Variants in CNOT2 observed in about 807,000 individuals in gnomAD.
CNOT2 encodes the protein CC chemokine receptor 4-negative regulator of transcription 2.
Under a neutral mutation model 72.1 loss-of-function variants are expected in CNOT2, and 7 were observed. That is an observed-to-expected ratio of 0.10 (90% CI 0.06 to 0.18). CNOT2 has a LOEUF of 0.18. Among genes scored for constraint, CNOT2 ranks in the 10% least tolerant of loss-of-function variants. The pLI is 1.00. For missense variants in CNOT2, 345 were observed against 660.3 expected, an observed-to-expected ratio of 0.52 and a Z score of 5.23; for synonymous variants, 196 against 225.6, an observed-to-expected ratio of 0.87 and a Z score of 1.17.
chr12:70,345,993 A>G (rs1882116632), intron 14 of CNOT2, 187 bp from the exon 15 acceptor site: 2 of 500,546 alleles, frequency 4.0e-6, no homozygotes, highest in Non-Finnish European at 6.9e-6. Context: ...GGACAAATTA[A>G]GAAATATTTT....
intron 14 of CNOT2, chr12:70,345,106 T>C (rs1308423592): frequency 1.3e-5 from 2 of 152,212 alleles, no homozygotes; most frequent in East Asian, 3.8e-4. Flanking sequence ...GTTACTCAAA[T>C]GTACAGTTGG....
chr12:70,308,584 T>TCA (rs58837695), intron 2 of CNOT2, among the ~76,000 whole-genome samples: 2,008 of 133,252 alleles, frequency 0.015, 24 homozygotes, highest in African/African-American at 0.034. Flanking sequence ...TCTCTCTCTC[T>TCA]CACACACACA....
At position 70,339,178 on chromosome 12, in the gene CNOT2, A is replaced by G. The variant is rs554442410; in HGVS notation, c.1178+356A>G. Among the ~76,000 whole-genome samples the G allele has an allele frequency of 4.0e-5, 6 of 151,880 alleles. No individual in the cohort carries two copies. The East Asian group carries it at 9.7e-4, about 25-fold the overall frequency. ...CCTCCAGGAATTTTTGTCCTGTAGT[A>G]TACTTCAGCCACTCCTTTAGTTATC... On this transcript the variant is annotated intron_variant, in intron 11 of 15. Coordinates refer to ENST00000229195, the MANE Select transcript of CNOT2 (RefSeq NM_014515.7).
At chr12:70,294,887 C>T (rs1220806805) in intron 2 of CNOT2, among the ~76,000 whole-genome samples, 4 of 152,058 alleles carry the variant, frequency 2.6e-5, no homozygotes, top group African/African-American at 7.2e-5. Context: ...ATATCTGGTA[C>T]GTAATTCAGC....
At chr12:70,336,260 A>G (rs1565825179) in intron 8 of CNOT2, 1 of 152,146 alleles carries the variant, frequency 6.6e-6, no homozygotes, top group Non-Finnish European at 1.5e-5. Context: ...GTCTCCGTTA[A>G]TATCCTTCAT....
In CNOT2 at chr12:70,254,371, A is replaced by G. The variant is rs1194441458; in HGVS notation, c.-96+10891A>G. ...AATCAAGATAGTTACTAATGTGAATAAGGGGTGGGTAGCATATGTAGCAAG... is the reference window on the plus strand; with the variant it reads ...AATCAAGATAGTTACTAATGTGAATGAGGGGTGGGTAGCATATGTAGCAAG... On this transcript the variant is annotated intron_variant, in intron 1 of 15. Transcript: ENST00000229195. Among the ~76,000 whole-genome samples the G allele has an allele frequency of 2.0e-5, 3 of 152,174 alleles. No individual in the cohort carries two copies. In the East Asian group the frequency reaches 5.8e-4, roughly 29 times the overall value.
At chr12:70,348,335 C>T (rs1335060225) in intron 15 of CNOT2, among the ~76,000 whole-genome samples, 2 of 152,112 alleles carry the variant, frequency 1.3e-5, no homozygotes, top group Non-Finnish European at 1.5e-5. Flanking sequence ...CTGGACCATA[C>T]CTCCATCATT....
At chr12:70,281,155 G>A (rs926021121) in intron 2 of CNOT2, among the ~76,000 whole-genome samples, 1 of 148,606 alleles carries the variant, frequency 6.7e-6, no homozygotes, top group Admixed American at 6.8e-5. Context: ...GCAGTGGTGC[G>A]CTCACTGCAA....
chr12:70,276,312 A>G (rs1024440837), intron 1 of CNOT2, among the ~76,000 whole-genome samples: 3 of 151,988 alleles, frequency 2.0e-5, no homozygotes, highest in Non-Finnish European at 4.4e-5. Context: ...GATTTCCAAC[A>G]TTCTTTTGCT....
chr12:70,335,364 A>G (rs764123798), intron 7 of CNOT2, 74 bp from the exon 8 acceptor site: 1 of 1,122,682 alleles, frequency 8.9e-7, no homozygotes, highest in Non-Finnish European at 1.3e-6. Flanking sequence ...TTCGAATTAT[A>G]TTATGGTTGG....
chr12:70,312,061 A>C (rs575412447), intron 3 of CNOT2, among the ~76,000 whole-genome samples: 200 of 151,986 alleles, frequency 1.3e-3, no homozygotes, highest in African/African-American at 4.7e-3. Context: ...CATTTTGAAA[A>C]CAAACTATCA....
intron 2 of CNOT2, among the ~76,000 whole-genome samples, chr12:70,284,340 G>A (rs533198203): frequency 6.6e-6 from 1 of 152,016 alleles, no homozygotes; most frequent in African/African-American, 2.4e-5. Flanking sequence ...TGCCACCTGG[G>A]TTCAAGCAAT....
chr12:70,294,392 GT>G, intron 2 of CNOT2: 2 of 695,242 alleles, frequency 2.9e-6, no homozygotes, highest in South Asian at 1.7e-5. Context: ...CATTTTGTTA[GT>G]TTAGAAATAT....
chr12:70,347,982 T>TA (rs1466921550), intron 15 of CNOT2: 1 of 152,240 alleles, frequency 6.6e-6, no homozygotes. Flanking sequence ...CTATTGCTGT[T>TA]ATTTATGCTT....
At chr12:70,252,218 A>T (rs193101577) in intron 1 of CNOT2, among the ~76,000 whole-genome samples, 1 of 152,244 alleles carries the variant, frequency 6.6e-6, no homozygotes, top group East Asian at 1.9e-4. Context: ...GACAGGTCTC[A>T]CTTTGTCACC....
chr12:70,306,378 A>G (rs1875391514), intron 2 of CNOT2, among the ~76,000 whole-genome samples: 1 of 152,064 alleles, frequency 6.6e-6, no homozygotes, highest in Non-Finnish European at 1.5e-5. Flanking sequence ...GCTGGTCTTG[A>G]ACTCCTGACC....
Position 70,342,115 on chromosome 12 carries a change from AC to A in CNOT2, c.1191del (p.Lys398AsnfsTer16). On this transcript the variant is annotated frameshift_variant, in exon 12 of 16. Transcript: ENST00000229195. LOFTEE classifies it high-confidence loss of function. ...TTTTCCTCCTTATTCAGAAATCTCT[AC>A]CCCAAATTTGCGTCACCCTGGGCAT... ...GLNLNSPENL[Y>X]PKFASPWASS... is the part of the protein sequence containing the mutation. 1 of 1,583,488 alleles carries A rather than the reference AC, an allele frequency of 6.3e-7. No homozygotes were observed. Among genetic ancestry groups the A allele is most frequent in the Non-Finnish European group, 8.7e-7 (1 of 1,152,230 alleles).
intron 1 of CNOT2, among the ~76,000 whole-genome samples, chr12:70,268,470 G>A (rs1363026536): frequency 6.6e-6 from 1 of 152,168 alleles, no homozygotes; most frequent in Non-Finnish European, 1.5e-5. Flanking sequence ...TTCTGAGACA[G>A]GGTCTTGTTC....
intron 1 of CNOT2, among the ~76,000 whole-genome samples, chr12:70,262,664 T>A (rs1958833126): frequency 6.9e-6 from 1 of 144,548 alleles, no homozygotes; most frequent in Non-Finnish European, 1.5e-5. Context: ...TTTTGCCTTA[T>A]TTTTTTTTCC....
Sources: gnomAD v4.1 joint callset for allele counts (sites outside exome capture counted in the v4.1 genomes callset) on GRCh38, gnomAD v4.1.1 for gene constraint, MANE v1.5 for transcripts, NCBI Gene and HGNC (gene_info 2026-07-23, HGNC 2026-07-21) for gene names.